Variants in EPC2 observed in about 807,000 individuals in gnomAD.
EPC2 encodes the protein enhancer of polycomb homolog 2.
EPC2 carries 14 observed loss-of-function variants against 92.1 expected under a neutral mutation model. That is an observed-to-expected ratio of 0.15 (90% CI 0.10 to 0.24). The LOEUF (loss-of-function observed/expected upper bound fraction) is 0.24, where lower values mean the gene tolerates loss of function less well. Among genes scored for constraint, EPC2 ranks in the 10% least tolerant of loss-of-function variants. EPC2 has a pLI of 1.00. For missense variants in EPC2, 755 were observed against 971.5 expected (o/e 0.78, Z 2.96); for synonymous variants, 340 against 334.7 (o/e 1.02, Z -0.17).
chr2:148,743,224 G>A (rs1208535950), intron 2 of EPC2, among the ~76,000 whole-genome samples: 4 of 151,606 alleles, frequency 2.6e-5, no homozygotes, highest in African/African-American at 9.7e-5. Context: ...TTAGATACCT[G>A]TTTTATCCTC....
At chr2:148,748,050 G>T (rs1002443923) in intron 3 of EPC2, among the ~76,000 whole-genome samples, 9 of 151,996 alleles carry the variant, frequency 5.9e-5, no homozygotes, top group Non-Finnish European at 8.8e-5. Flanking sequence ...CGTGAGAGTG[G>T]ATTTTCCCCT....
intron 2 of EPC2, among the ~76,000 whole-genome samples, chr2:148,742,749 A>G (rs570779325): frequency 1.3e-5 from 2 of 151,020 alleles, no homozygotes; most frequent in Admixed American, 6.6e-5. Context: ...CCATTGCACT[A>G]TAGCCTGGGC....
intron 2 of EPC2, among the ~76,000 whole-genome samples, chr2:148,700,985 T>C (rs746962541): frequency 6.6e-6 from 1 of 152,158 alleles, no homozygotes; most frequent in Admixed American, 6.5e-5. Flanking sequence ...CCTCTGCATG[T>C]TTTGTTAGAT....
At chr2:148,716,777 C>G (rs1398219738) in intron 2 of EPC2, among the ~76,000 whole-genome samples, 1 of 152,162 alleles carries the variant, frequency 6.6e-6, no homozygotes, top group Non-Finnish European at 1.5e-5. Context: ...GGAGGAGTCC[C>G]TCCTTTTCAA....
At chr2:148,686,559 T>C (rs1009408312) in intron 1 of EPC2, among the ~76,000 whole-genome samples, 15 of 152,242 alleles carry the variant, frequency 9.9e-5, no homozygotes, top group Admixed American at 7.2e-4. Flanking sequence ...TTTACTTTGC[T>C]CAGATCCATC....
At chr2:148,780,252 ACT>A (rs1683721582) in intron 10 of EPC2, among the ~76,000 whole-genome samples, 1 of 152,160 alleles carries the variant, frequency 6.6e-6, no homozygotes, top group African/African-American at 2.4e-5. Context: ...CTATCTAAGA[ACT>A]GTTTTCCCCT....
At chr2:148,648,673 CCT>C (rs1683855256) in intron 1 of EPC2, among the ~76,000 whole-genome samples, 2 of 152,078 alleles carry the variant, frequency 1.3e-5, no homozygotes, top group African/African-American at 4.8e-5. Context: ...AAAATTAAGG[CCT>C]GTCTCTTCTG....
intron 2 of EPC2, among the ~76,000 whole-genome samples, chr2:148,737,141 C>T (rs1574613415): frequency 6.6e-6 from 1 of 152,002 alleles, no homozygotes; most frequent in Non-Finnish European, 1.5e-5. Context: ...GTTTGTTGAT[C>T]GATTGATTTT....
In EPC2 at chr2:148,696,027, A is replaced by T. The variant is rs554901563; in HGVS notation, c.313+5654A>T. Among the ~76,000 whole-genome samples the T allele has an allele frequency of 7.2e-5, 11 of 152,366 alleles. 1 individual carries two copies. The South Asian group carries it at 2.3e-3, about 32-fold the overall frequency. On this transcript the variant is annotated intron_variant, in intron 2 of 13. Coordinates refer to ENST00000258484, the MANE Select transcript of EPC2 (RefSeq NM_015630.4). ...ATATTCCTCTCTCCTCAGATTGTGC[A>T]CTAGCTGCAACCGTGTCCTATTCTT...
rs573466303 is a variant in EPC2, at chr2:148,721,931, T to C, written c.314-21691T>C. On this transcript the variant is annotated intron_variant, in intron 2 of 13. Transcript: ENST00000258484. ...TTCAGAATTCTCATCTCTCTTCTTA[T>C]ATTATTCATCTGTTTTTGCATGTTG... Among the ~76,000 whole-genome samples the C allele has an allele frequency of 2.5e-4, 37 of 149,174 alleles. 1 individual carries two copies. In the South Asian group the frequency reaches 8.0e-3, roughly 32 times the overall value.
intron 1 of EPC2, among the ~76,000 whole-genome samples, chr2:148,658,732 A>G (rs1256391434): frequency 6.6e-6 from 1 of 151,884 alleles, no homozygotes; most frequent in Non-Finnish European, 1.5e-5. Flanking sequence ...CACAGTTTGA[A>G]AAACGCTGCT....
At chr2:148,653,208 A>G (rs1680719877) in intron 1 of EPC2, among the ~76,000 whole-genome samples, 1 of 152,226 alleles carries the variant, frequency 6.6e-6, no homozygotes, top group South Asian at 2.1e-4. Flanking sequence ...TAATACAGGC[A>G]CTTAGCATGT....
At chr2:148,695,467 AAG>A (rs1425901443) in intron 2 of EPC2, among the ~76,000 whole-genome samples, 1 of 152,222 alleles carries the variant, frequency 6.6e-6, no homozygotes, top group Non-Finnish European at 1.5e-5. Flanking sequence ...TACATTGGAA[AAG>A]AGAAAAAGTT....
chr2:148,732,437 G>A (rs954379510), intron 2 of EPC2, among the ~76,000 whole-genome samples: 2 of 148,682 alleles, frequency 1.3e-5, no homozygotes, highest in East Asian at 2.0e-4. Context: ...CTAGAGTGCA[G>A]TGGCACGATC....
Position 148,764,911 on chromosome 2 carries a change from A to G in EPC2, c.949-44A>G, listed in dbSNP as rs146423925. On this transcript the variant is annotated intron_variant, in intron 6 of 13. Transcript: ENST00000258484. ...ATAGTTTTTCATGATTTCTAAAATGATTTTTATTTCTTCCTTTTGGGGGAA... is the reference window on the plus strand; with the variant it reads ...ATAGTTTTTCATGATTTCTAAAATGGTTTTTATTTCTTCCTTTTGGGGGAA... 1,411 of 1,333,568 alleles carry G rather than the reference A, an allele frequency of 1.1e-3. 2 individuals are homozygous for G. The highest frequency in any genetic ancestry group is 7.5e-3 in the Middle Eastern group (38 of 5,084). 82.6% of individuals were successfully genotyped at this position (1,333,568 alleles called of 1,614,324 possible).
At chr2:148,715,650 G>GT (rs1232009310) in intron 2 of EPC2, among the ~76,000 whole-genome samples, 2 of 152,172 alleles carry the variant, frequency 1.3e-5, no homozygotes, top group African/African-American at 4.8e-5. Flanking sequence ...TTGAAGTCAG[G>GT]TAGTATGATG....
At chr2:148,712,860 G>T (rs1198778909) in intron 2 of EPC2, among the ~76,000 whole-genome samples, 3 of 152,048 alleles carry the variant, frequency 2.0e-5, no homozygotes, top group Non-Finnish European at 4.4e-5. Context: ...TCCACTCTGG[G>T]CAACATTGTG....
intron 2 of EPC2, among the ~76,000 whole-genome samples, chr2:148,740,341 G>A (rs1003272436): frequency 5.9e-5 from 9 of 151,332 alleles, no homozygotes; most frequent in Non-Finnish European, 1.3e-4. Context: ...TAGAACCTGA[G>A]GTAAAGAGAG....
intron 2 of EPC2, among the ~76,000 whole-genome samples, chr2:148,701,778 T>G (rs565103879): frequency 2.7e-4 from 41 of 152,164 alleles, no homozygotes; most frequent in Non-Finnish European, 4.4e-4. Flanking sequence ...CTGCTTCTGT[T>G]TTCTGGGAGT....
Sources: allele counts gnomAD v4.1 joint callset (sites outside exome capture counted in the v4.1 genomes callset), GRCh38; gene constraint gnomAD v4.1.1; transcripts MANE v1.5; gene names NCBI Gene and HGNC (gene_info 2026-07-23, HGNC 2026-07-21).